GALNT13: variants seen among roughly 807,000 people sequenced by gnomAD.
GALNT13 encodes UDP-GalNAc:polypeptide N-acetylgalactosaminyltransferase 13.
Under a neutral mutation model 64.2 loss-of-function variants are expected in GALNT13, and 28 were observed. That is an observed-to-expected ratio of 0.44 (90% CI 0.32 to 0.60). The LOEUF (loss-of-function observed/expected upper bound fraction) is 0.60. Among genes scored for constraint, GALNT13 ranks in the 20% least tolerant of loss-of-function variants. The pLI, the probability that GALNT13 is intolerant of heterozygous loss-of-function variation, is 0.05. For synonymous variants in GALNT13, 214 were observed against 224.6 expected (o/e 0.95, Z 0.42); for missense variants, 577 against 669.8 (o/e 0.86, Z 1.53).
the GALNT13 span, among the ~76,000 whole-genome samples, chr2:153,533,612 TA>T: frequency 6.6e-6 from 1 of 151,892 alleles, no homozygotes; most frequent in Non-Finnish European, 1.5e-5. Context: ...TTGAAAAAAT[TA>T]TCAGTCGTTG....
intron 3 of GALNT13, among the ~76,000 whole-genome samples, chr2:153,972,729 T>C (rs1693824263): frequency 6.6e-6 from 1 of 152,036 alleles, no homozygotes; most frequent in African/African-American, 2.4e-5. Flanking sequence ...GTGATGCAGA[T>C]ACTTCCCTCA....
chr2:153,356,338 A>G, the GALNT13 span, among the ~76,000 whole-genome samples: 14 of 152,232 alleles, frequency 9.2e-5, no homozygotes, highest in African/African-American at 3.4e-4. Flanking sequence ...CTACTTGTTC[A>G]GGTGGTTTGA....
the GALNT13 span, among the ~76,000 whole-genome samples, chr2:153,223,579 G>A: frequency 1.3e-5 from 2 of 152,120 alleles, no homozygotes; most frequent in African/African-American, 2.4e-5. Context: ...ACAGTTCTAA[G>A]AACAGGTGAG....
the GALNT13 span, among the ~76,000 whole-genome samples, chr2:153,670,840 G>A: frequency 1.3e-5 from 2 of 152,170 alleles, no homozygotes; most frequent in African/African-American, 4.8e-5. Context: ...AGAATAACCA[G>A]TGCAGAGAAG....
the GALNT13 span, among the ~76,000 whole-genome samples, chr2:153,792,802 A>G: frequency 6.6e-6 from 1 of 152,120 alleles, no homozygotes; most frequent in Non-Finnish European, 1.5e-5. Flanking sequence ...AATATTCTTA[A>G]GGCATTTGAT....
At chr2:153,728,837 C>A in the GALNT13 span, among the ~76,000 whole-genome samples, 4 of 152,068 alleles carry the variant, frequency 2.6e-5, no homozygotes, top group South Asian at 2.1e-4. Flanking sequence ...ATACAAACTA[C>A]CATCAGAGAA....
chr2:153,887,176 T>G (rs1687239872), intron 1 of GALNT13, among the ~76,000 whole-genome samples: 1 of 151,986 alleles, frequency 6.6e-6, no homozygotes, highest in East Asian at 1.9e-4. Context: ...GAGCTAGATA[T>G]TCTCATCCAC....
rs188559590 is a variant in GALNT13, at chr2:154,381,973, T to C, written c.1157-14018T>C. ...TAAATCAACATTTGTAAATTACATA[T>C]ATTTTAAGAAACACTCCTGATGCTC... On this transcript the variant is annotated intron_variant, in intron 9 of 12. Transcript: ENST00000392825. Among the ~76,000 whole-genome samples, 6 of 152,208 alleles carry C rather than the reference T, an allele frequency of 3.9e-5. No homozygotes were observed. In the East Asian group the frequency reaches 1.2e-3, roughly 29 times the overall value.
At chr2:153,225,292 A>T in the GALNT13 span, among the ~76,000 whole-genome samples, 1 of 152,254 alleles carries the variant, frequency 6.6e-6, no homozygotes, top group African/African-American at 2.4e-5. Context: ...TTATGATTTA[A>T]AATTTTTTTA....
the GALNT13 span, among the ~76,000 whole-genome samples, chr2:153,208,973 C>CTTTTTTTTTTTTTTTTTTTT: frequency 8.0e-5 from 6 of 74,684 alleles, 2 homozygotes; most frequent in Non-Finnish European, 9.4e-5. Flanking sequence ...TGGTTTTGGT[C>CTTTTTTTTTTTTTTTTTTTT]TTTTTTTTTT....
chr2:153,983,990 A>G (rs1006528531), intron 3 of GALNT13, among the ~76,000 whole-genome samples: 2 of 152,040 alleles, frequency 1.3e-5, no homozygotes, highest in East Asian at 1.9e-4. Context: ...GGAAAGATCT[A>G]TCATATTTTA....
At chr2:153,420,845 G>A in the GALNT13 span, 1 of 239,748 alleles carries the variant, frequency 4.2e-6, no homozygotes. Flanking sequence ...TGTGGCCCAG[G>A]CAAACCCAGG....
chr2:154,062,719 C>G (rs867163352), intron 3 of GALNT13, among the ~76,000 whole-genome samples: 1 of 152,160 alleles, frequency 6.6e-6, no homozygotes, highest in Non-Finnish European at 1.5e-5. Flanking sequence ...AGCGGAATTA[C>G]AATTCGACAT....
the GALNT13 span, among the ~76,000 whole-genome samples, chr2:153,511,910 G>A: frequency 1.3e-5 from 2 of 152,176 alleles, no homozygotes; most frequent in African/African-American, 4.8e-5. Flanking sequence ...AGGAACTGGA[G>A]TCTGGAGTCC....
At chr2:153,687,528 A>G in the GALNT13 span, among the ~76,000 whole-genome samples, 1 of 151,644 alleles carries the variant, frequency 6.6e-6, no homozygotes, top group African/African-American at 2.4e-5. Flanking sequence ...ATTTGAATAG[A>G]AGAGTAAATA....
At chr2:154,389,287 C>A (rs930828098) in intron 9 of GALNT13, among the ~76,000 whole-genome samples, 2 of 152,070 alleles carry the variant, frequency 1.3e-5, no homozygotes, top group Non-Finnish European at 2.9e-5. Flanking sequence ...AGGCACCCAC[C>A]ACAACTGGCC....
At chr2:153,911,563 A>T (rs1434474900) in intron 2 of GALNT13, among the ~76,000 whole-genome samples, 1 of 151,920 alleles carries the variant, frequency 6.6e-6, no homozygotes, top group Admixed American at 6.6e-5. Flanking sequence ...TCCTTTCCAT[A>T]TTTAGTGCTT....
chr2:153,610,344 GT>G, the GALNT13 span, among the ~76,000 whole-genome samples: 1 of 152,144 alleles, frequency 6.6e-6, no homozygotes, highest in Non-Finnish European at 1.5e-5. Flanking sequence ...AAACATTTCA[GT>G]ATTTGCAAAT....
intron 3 of GALNT13, among the ~76,000 whole-genome samples, chr2:154,049,128 T>C (rs963154785): frequency 1.3e-5 from 2 of 152,060 alleles, no homozygotes; most frequent in African/African-American, 4.8e-5. Context: ...AAATGATTAA[T>C]GCCTGTCAGT....
Sources: gnomAD v4.1 joint callset for allele counts (sites outside exome capture counted in the v4.1 genomes callset) on GRCh38, gnomAD v4.1.1 for gene constraint, MANE v1.5 for transcripts, NCBI Gene and HGNC (gene_info 2026-07-23, HGNC 2026-07-21) for gene names.